BMP7: variants seen among roughly 807,000 people sequenced by gnomAD.
BMP7 encodes the protein osteogenic protein 1.
BMP7 carries 12 observed loss-of-function variants against 41.2 expected under a neutral mutation model. That is an observed-to-expected ratio of 0.29 (90% CI 0.19 to 0.47). The LOEUF is 0.47. Among genes scored for constraint, BMP7 ranks in the 20% least tolerant of loss-of-function variants. The pLI is 0.99. For missense variants in BMP7, 467 were observed against 606.0 expected (o/e 0.77, Z 2.41); for synonymous variants, 248 against 250.0 (o/e 0.99, Z 0.07).
chr20:57,204,840 T>C (rs927192143), intron 2 of BMP7, among the ~76,000 whole-genome samples: 1 of 152,248 alleles, frequency 6.6e-6, no homozygotes, highest in Non-Finnish European at 1.5e-5. Flanking sequence ...ATTCTGTTAT[T>C]GCTGTGGTTT....
rs918304370 is a variant in BMP7, at chr20:57,261,694, G to C, written c.418+4011C>G. 6.6e-6 allele frequency among the ~76,000 whole-genome samples: 1 copy of C among 152,188 alleles called. No homozygotes were observed. Among genetic ancestry groups the C allele is most frequent in the Non-Finnish European group, 1.5e-5 (1 of 68,024 alleles). On this transcript the variant is annotated intron_variant, in intron 1 of 6. Transcript: ENST00000395863. The surrounding 1 kb of genome is among the most constrained non-coding windows in gnomAD (Gnocchi z 4.1). Reference sequence around the variant, plus strand: ...CTTTGGCTGCTCACCAGTGAGGGCCGGCGCTCCGAGTGCTGGAATGTGGAG... The same window carrying C: ...CTTTGGCTGCTCACCAGTGAGGGCCCGCGCTCCGAGTGCTGGAATGTGGAG...
In BMP7 at chr20:57,248,943, T is replaced by C. The variant is rs575654179; in HGVS notation, c.418+16762A>G. 2.6e-3 allele frequency among the ~76,000 whole-genome samples: 390 copies of C among 152,016 alleles called. 7 individuals carry two copies. Among genetic ancestry groups the C allele is most frequent in the Non-Finnish European group, 1.8e-3 (125 of 67,958 alleles). On this transcript the variant is annotated intron_variant, in intron 1 of 6. Coordinates refer to ENST00000395863, the MANE Select transcript of BMP7 (RefSeq NM_001719.3). Reference sequence around the variant, plus strand: ...CCTCCTGAGTAGCTGGGACTACAGGTGCCCACCACCACGCCCAGCTAATTT... The same window carrying C: ...CCTCCTGAGTAGCTGGGACTACAGGCGCCCACCACCACGCCCAGCTAATTT...
At chr20:57,200,361 G>A (rs947951022) in intron 3 of BMP7, among the ~76,000 whole-genome samples, 22 of 152,210 alleles carry the variant, frequency 1.4e-4, no homozygotes, top group African/African-American at 4.8e-4. Flanking sequence ...TAACCATCAG[G>A]CAGCACTGCC....
chr20:57,206,260 C>T (rs1418923272), intron 2 of BMP7, among the ~76,000 whole-genome samples: 7 of 152,120 alleles, frequency 4.6e-5, no homozygotes, highest in Non-Finnish European at 1.0e-4. Flanking sequence ...AACCTAAATG[C>T]GTTCTTTCAC....
At chr20:57,216,340 G>A (rs1471978725) in intron 2 of BMP7, among the ~76,000 whole-genome samples, 12 of 152,188 alleles carry the variant, frequency 7.9e-5, no homozygotes, top group Non-Finnish European at 1.8e-4. Context: ...CAAGTAGTTT[G>A]TCTGAGAGGT....
chr20:57,207,808 T>G (rs960679154), intron 2 of BMP7, among the ~76,000 whole-genome samples: 4 of 135,752 alleles, frequency 2.9e-5, no homozygotes, highest in African/African-American at 5.4e-5. Context: ...CATACCCCAG[T>G]TGGTTTTTTT....
intron 4 of BMP7, among the ~76,000 whole-genome samples, chr20:57,183,234 CA>C (rs527278475): frequency 0.01 from 1,334 of 131,264 alleles, 19 homozygotes; most frequent in African/African-American, 0.031. Context: ...GACTTCATCT[CA>C]AAAAAAAAAA....
intron 1 of BMP7, among the ~76,000 whole-genome samples, chr20:57,236,143 A>T (rs1410414536): frequency 6.6e-6 from 1 of 152,214 alleles, no homozygotes; most frequent in Non-Finnish European, 1.5e-5. Context: ...AGATGTCAGC[A>T]TTTTCCATCT....
chr20:57,171,252 A>C lies in BMP7; in HGVS notation c.1147-144T>G. The C allele has an allele frequency of 8.3e-7, 1 of 1,206,304 alleles. No homozygotes were observed. Among genetic ancestry groups the C allele is most frequent in the Non-Finnish European group, 1.2e-6 (1 of 836,542 alleles). The allele number at this position is 1,206,304 out of a possible 1,614,324, so 74.7% of individuals were successfully genotyped here. On this transcript the variant is annotated intron_variant, in intron 6 of 6. Coordinates refer to ENST00000395863, the MANE Select transcript of BMP7 (RefSeq NM_001719.3). This position sits in a 1 kb window ranked among gnomAD's most constrained non-coding sequence, Gnocchi z 4.5. ...CCCCAAGCCAAGCACTCCCTGTTCT[A>C]AGCACTTTACATGGACAACTCAGTT...
In BMP7 at chr20:57,169,478, T is replaced by C. The variant is rs939037511; in HGVS notation, c.*1481A>G. 6.6e-6 allele frequency: 1 copy of C among 152,228 alleles called. No individual in the cohort carries two copies. The highest frequency in any genetic ancestry group is 2.4e-5 in the African/African-American group (1 of 41,442). The allele number at this position is 152,228 out of a possible 1,614,324, so 9.4% of individuals were successfully genotyped here. On this transcript the variant is annotated 3_prime_UTR_variant, in exon 7 of 7. Transcript: ENST00000395863. ...GCCACCTCCAAATCGGGACACTTGG[T>C]TAGGATGTCACCCTCAACAAGGCTT...
chr20:57,229,342 GT>G (rs2066019966), intron 1 of BMP7, among the ~76,000 whole-genome samples: 1 of 152,236 alleles, frequency 6.6e-6, no homozygotes, highest in South Asian at 2.1e-4. Flanking sequence ...GAATGGCAGA[GT>G]TGGGGTGGAG....
rs769113411 is a variant in BMP7 at position 57,265,919 on chromosome 20, C to T, written c.204G>A (p.Pro68=). The change falls in exon 1 of 7, where the codon CCG becomes CCA. Residue 68 remains proline, a synonymous_variant. Transcript: ENST00000395863. ...ILSILGLPHR[P]RPHLQGKHNS... is the part of the protein sequence containing the mutation. ...TGTGCTTGCCCTGGAGGTGCGGGCG[C>T]GGGCGGTGGGGCAAGCCCAAAATGG... is the stretch of plus-strand genomic sequence containing the variant. The T allele has an allele frequency of 1.9e-6, 3 of 1,568,872 alleles. No individual in the cohort carries two copies. Among genetic ancestry groups the T allele is most frequent in the Non-Finnish European group, 2.6e-6 (3 of 1,156,352 alleles).
chr20:57,248,384 C>T (rs75027494), intron 1 of BMP7, among the ~76,000 whole-genome samples: 2,425 of 152,264 alleles, frequency 0.016, 80 homozygotes, highest in African/African-American at 0.055. Context: ...CACCCTCCCT[C>T]GAAGTAACAA....
At chr20:57,238,805 G>T (rs1209175826) in intron 1 of BMP7, among the ~76,000 whole-genome samples, 1 of 152,148 alleles carries the variant, frequency 6.6e-6, no homozygotes, top group African/African-American at 2.4e-5. Context: ...AGCAGCAAGA[G>T]AAAATGGGGA....
At chr20:57,244,483 C>T (rs2066081707) in intron 1 of BMP7, among the ~76,000 whole-genome samples, 1 of 152,222 alleles carries the variant, frequency 6.6e-6, no homozygotes, top group Non-Finnish European at 1.5e-5. Flanking sequence ...CCTTACTCAG[C>T]CCAGGATGCA....
rs539648312 is a variant in BMP7, at chr20:57,231,283, C to T, written c.419-2862G>A. On this transcript the variant is annotated intron_variant, in intron 1 of 6. Coordinates refer to ENST00000395863, the MANE Select transcript of BMP7 (RefSeq NM_001719.3). ...ATGATAGTCCATCGTTGTATTAGACCGCAATCCATGTATCCATTCTACAGT... is the reference window on the plus strand; with the variant it reads ...ATGATAGTCCATCGTTGTATTAGACTGCAATCCATGTATCCATTCTACAGT... 5.3e-5 allele frequency among the ~76,000 whole-genome samples: 8 copies of T among 152,314 alleles called. No individual in the cohort carries two copies. In the South Asian group the frequency reaches 8.3e-4, roughly 16 times the overall value.
intron 1 of BMP7, among the ~76,000 whole-genome samples, chr20:57,254,315 G>A (rs575726953): frequency 9.9e-5 from 15 of 152,036 alleles, no homozygotes; most frequent in South Asian, 8.3e-4. Flanking sequence ...GAGCCACCGC[G>A]CCCAGCCTCT....
intron 1 of BMP7, among the ~76,000 whole-genome samples, chr20:57,254,024 T>TTC (rs1489623042): frequency 1.5e-5 from 2 of 136,916 alleles, no homozygotes; most frequent in Admixed American, 1.4e-4. Flanking sequence ...TTCCTTTTTT[T>TTC]TTTTTTTTTT....
rs575566093 is a variant in BMP7, at chr20:57,228,671, T to C, written c.419-250A>G. 1.1e-4 allele frequency among the ~76,000 whole-genome samples: 17 copies of C among 152,246 alleles called. No homozygotes were observed. The highest frequency in any genetic ancestry group is 3.1e-4 in the African/African-American group (13 of 41,556). On this transcript the variant is annotated intron_variant, in intron 1 of 6. Transcript: ENST00000395863. The surrounding 1 kb of genome is among the most constrained non-coding windows in gnomAD (Gnocchi z 4.5). ...TCTGCATCCAACCTGCTGGGAAAAG[T>C]AGGGCACTAACCACAGCCATCCAAG... is the stretch of plus-strand genomic sequence containing the variant.
Sources: allele counts gnomAD v4.1 joint callset (sites outside exome capture counted in the v4.1 genomes callset), GRCh38; gene constraint gnomAD v4.1.1; non-coding constraint Gnocchi (gnomAD v3.1); transcripts MANE v1.5; gene names NCBI Gene and HGNC (gene_info 2026-07-23, HGNC 2026-07-21).